The following NCKAP5 variants were observed in gnomAD, a reference collection of about 807,000 sequenced individuals.
The protein encoded by NCKAP5 is nck-associated protein 5.
NCKAP5 carries 92 observed loss-of-function variants against 167.0 expected under a neutral mutation model. The observed-to-expected ratio is 0.55, with a 90% CI of 0.47 to 0.66. The LOEUF is 0.66. Among genes scored for constraint, NCKAP5 ranks in the 30% least tolerant of loss-of-function variants. The probability of loss-of-function intolerance (pLI) is 0.00; values close to 1 mark genes in which losing one functional copy is unlikely to be tolerated. For synonymous variants in NCKAP5, 891 were observed against 877.4 expected, an observed-to-expected ratio of 1.02 and a Z score of -0.27; for missense variants, 2,378 against 2,315.0, an observed-to-expected ratio of 1.03 and a Z score of -0.56.
At chr2:133,526,204 GAAGGAAGGAAGGAAGGAAGGAAGA>G (rs1229354174) in intron 2 of NCKAP5, among the ~76,000 whole-genome samples, 15 of 136,182 alleles carry the variant, frequency 1.1e-4, no homozygotes, top group African/African-American at 3.3e-4. Context: ...AGGAAGGAAG[GAAGGAAGGAAGGAAGGAAGGAAGA>G]AAGGAAAGGA....
chr2:133,594,684 C>T, the NCKAP5 span, among the ~76,000 whole-genome samples: 3 of 152,130 alleles, frequency 2.0e-5, no homozygotes, highest in African/African-American at 7.2e-5. Flanking sequence ...TCTTACCTGC[C>T]TTTTCTTGCA....
chr2:132,874,333 C>T (rs1246830932), intron 9 of NCKAP5, among the ~76,000 whole-genome samples: 1 of 152,108 alleles, frequency 6.6e-6, no homozygotes, highest in African/African-American at 2.4e-5. Flanking sequence ...TGGTCTCGCA[C>T]TCCTGACCTT....
At chr2:133,284,959 C>A (rs192982777) in intron 4 of NCKAP5, among the ~76,000 whole-genome samples, 8 of 152,286 alleles carry the variant, frequency 5.3e-5, no homozygotes, top group South Asian at 2.1e-4. Context: ...CAAGAGCATG[C>A]CCATTCCCAA....
At chr2:133,431,275 G>T (rs1690141728) in intron 3 of NCKAP5, among the ~76,000 whole-genome samples, 1 of 152,134 alleles carries the variant, frequency 6.6e-6, no homozygotes, top group Non-Finnish European at 1.5e-5. Flanking sequence ...AGGTTGGTCA[G>T]TCATACTCTC....
At chr2:133,067,763 G>C (rs2080247308) in intron 6 of NCKAP5, among the ~76,000 whole-genome samples, 1 of 152,160 alleles carries the variant, frequency 6.6e-6, no homozygotes, top group Non-Finnish European at 1.5e-5. Context: ...TGTTCATTGA[G>C]GAGCTGTTGC....
chr2:133,487,295 T>C (rs561206274), intron 3 of NCKAP5, among the ~76,000 whole-genome samples: 1 of 152,104 alleles, frequency 6.6e-6, no homozygotes, highest in South Asian at 2.1e-4. Flanking sequence ...TTTTAAACAA[T>C]GAGAAACTTA....
At position 133,266,661 on chromosome 2, in the gene NCKAP5, G is replaced by A. The variant is rs983959286; in HGVS notation, c.143+36376C>T. ...GCCAAACTTGCCATGTCCAGAGCGC[G>A]GAGGCAGCCTGGGCCACGCGCTCAC... On this transcript the variant is annotated intron_variant, in intron 4 of 19. Transcript: ENST00000409261. Among the ~76,000 whole-genome samples, 57 of 152,168 alleles carry A rather than the reference G, an allele frequency of 3.7e-4. 1 individual carries two copies. The highest frequency in any genetic ancestry group is 3.1e-3 in the Admixed American group (47 of 15,292).
chr2:132,893,865 T>A (rs555098610), intron 8 of NCKAP5, among the ~76,000 whole-genome samples: 74 of 152,244 alleles, frequency 4.9e-4, no homozygotes, highest in Middle Eastern at 6.8e-3. Context: ...ATGTGCAGTC[T>A]TCTGTAAACA....
chr2:132,739,549 C>T (rs920015104), intron 16 of NCKAP5, among the ~76,000 whole-genome samples: 5 of 151,932 alleles, frequency 3.3e-5, no homozygotes, highest in East Asian at 1.9e-4. Context: ...ATAAAGCAGA[C>T]ACTCAATATA....
chr2:133,089,130 G>A (rs1281191534), intron 6 of NCKAP5, among the ~76,000 whole-genome samples: 1 of 152,142 alleles, frequency 6.6e-6, no homozygotes, highest in Non-Finnish European at 1.5e-5. Context: ...AGTATGGCAT[G>A]CAACAGGGTA....
At chr2:133,526,165 G>GAGGA (rs1203618783) in intron 2 of NCKAP5, among the ~76,000 whole-genome samples, 6,057 of 69,832 alleles carry the variant, frequency 0.087, 640 homozygotes, top group Non-Finnish European at 0.098. Context: ...GAAAGGGAAT[G>GAGGA]AGGAAGGAAG....
intron 3 of NCKAP5, among the ~76,000 whole-genome samples, chr2:133,428,171 T>C (rs971523640): frequency 1.3e-5 from 2 of 152,120 alleles, no homozygotes; most frequent in African/African-American, 4.8e-5. Flanking sequence ...TTAAGGAAGC[T>C]TTGTCCTACA....
chr2:132,993,561 C>A (rs7556973), intron 7 of NCKAP5, among the ~76,000 whole-genome samples: 2 of 152,186 alleles, frequency 1.3e-5, no homozygotes, highest in Non-Finnish European at 2.9e-5. Context: ...ACTGCATACA[C>A]CCCAGACCCC....
intron 4 of NCKAP5, among the ~76,000 whole-genome samples, chr2:133,290,706 T>C (rs1222099719): frequency 1.3e-5 from 2 of 150,892 alleles, no homozygotes; most frequent in East Asian, 3.9e-4. Context: ...CTAATGAACA[T>C]ATGAGGCCAC....
intron 3 of NCKAP5, among the ~76,000 whole-genome samples, chr2:133,469,525 C>T (rs9678670): frequency 0.49 from 73,587 of 151,102 alleles, 19,485 homozygotes; most frequent in East Asian, 0.7. Flanking sequence ...CTTTGTGGCA[C>T]TCTCTGTATT....
At chr2:133,637,594 T>C in the NCKAP5 span, among the ~76,000 whole-genome samples, 3 of 126,446 alleles carry the variant, frequency 2.4e-5, no homozygotes, top group Non-Finnish European at 5.4e-5. Flanking sequence ...AAAATGGAGT[T>C]ATCAAAGTTA....
At chr2:132,724,931 G>C (rs1296236304) in intron 19 of NCKAP5, among the ~76,000 whole-genome samples, 1 of 151,684 alleles carries the variant, frequency 6.6e-6, no homozygotes, top group African/African-American at 2.4e-5. Flanking sequence ...TCATTACATA[G>C]TTTATAAATT....
intron 3 of NCKAP5, among the ~76,000 whole-genome samples, chr2:133,394,330 C>T (rs1182923533): frequency 6.6e-6 from 1 of 152,140 alleles, no homozygotes; most frequent in Non-Finnish European, 1.5e-5. Context: ...AGGCCAAATG[C>T]ATGGAAGCAT....
chr2:132,981,495 G>T (rs2077140813), intron 7 of NCKAP5, among the ~76,000 whole-genome samples: 1 of 152,174 alleles, frequency 6.6e-6, no homozygotes, highest in African/African-American at 2.4e-5. Context: ...GTTATAATTT[G>T]TAATTTGCAT....
Sources: gnomAD v4.1 joint callset for allele counts (sites outside exome capture counted in the v4.1 genomes callset) on GRCh38, gnomAD v4.1.1 for gene constraint, MANE v1.5 for transcripts, NCBI Gene and HGNC (gene_info 2026-07-23, HGNC 2026-07-21) for gene names.